Variants in TTN observed in about 807,000 individuals in gnomAD.
The protein encoded by TTN is connectin.
TTN carries 1,525 observed loss-of-function variants against 3,223.0 expected under a neutral mutation model. The observed-to-expected ratio is 0.47, with a 90% CI of 0.45 to 0.49. The LOEUF is 0.49. Ranked by LOEUF, TTN falls within the 20% of genes least tolerant of loss-of-function variation. The pLI, the probability that TTN is intolerant of heterozygous loss-of-function variation, is 0.00. For synonymous variants in TTN, 14,094 were observed against 15,161.0 expected, an observed-to-expected ratio of 0.93 and a Z score of 5.17; for missense variants, 40,786 against 43,424.0, an observed-to-expected ratio of 0.94 and a Z score of 5.40.
rs373269429 is a variant in TTN, at chr2:178,685,608, C to G, written c.32312-10G>C. ...TCAGGCTCTTCCATCACTTTAAAGA[C>G]AGCAGTTTTAAAGAAGATAAATTAC... On this transcript the variant is annotated splice_polypyrimidine_tract_variant and intron_variant, in intron 127 of 362. Coordinates refer to ENST00000589042, the MANE Select transcript of TTN (RefSeq NM_001267550.2). 1.2e-6 allele frequency: 2 copies of G among 1,611,092 alleles called. No individual in the cohort carries two copies. The highest frequency in any genetic ancestry group is 1.7e-6 in the Non-Finnish European group (2 of 1,178,174).
chr2:178,547,098 CCTT>C lies in TTN; in HGVS notation c.94424_94426del (p.Glu31475del), dbSNP rs1430587207. 1.9e-6 allele frequency: 3 copies of C among 1,613,716 alleles called. No homozygotes were observed. The highest frequency in any genetic ancestry group is 1.3e-5 in the African/African-American group (1 of 74,924). ...ATAAGTTCTGAACTGATATTCCAGTCCTTCTACTAAACCAGTTACTTTGTAGTT... is the reference window on the plus strand; with the variant it reads ...ATAAGTTCTGAACTGATATTCCAGTCCTACTAAACCAGTTACTTTGTAGTT... On this transcript the variant is annotated inframe_deletion, in exon 340 of 363. Transcript: ENST00000589042.
chr2:178,560,028 T>G lies in TTN; in HGVS notation c.86104A>C (p.Ile28702Leu), dbSNP rs747739314. The G allele has an allele frequency of 6.2e-6, 10 of 1,613,616 alleles. No individual in the cohort carries two copies. Among genetic ancestry groups the G allele is most frequent in the Non-Finnish European group, 8.5e-6 (10 of 1,179,808 alleles). ...KSDDTDWKTS[I>L]QSLRGTEYTI... Reference sequence around the variant, plus strand: ...TATTCTGTCCCTCGTAAGCTCTGAATGGAAGTTTTCCAGTCAGTGTCATCA... The same window carrying G: ...TATTCTGTCCCTCGTAAGCTCTGAAGGGAAGTTTTCCAGTCAGTGTCATCA... The change falls in exon 326 of 363, where the codon ATT (isoleucine) becomes CTT (leucine). Residue 28702 changes from isoleucine (I) to leucine (L), a missense_variant. Transcript: ENST00000589042.
intron 180 of TTN, among the ~76,000 whole-genome samples, chr2:178,660,715 G>A (rs202213864): frequency 0.12 from 17,711 of 142,728 alleles, 5 homozygotes; most frequent in African/African-American, 0.28. Flanking sequence ...GCACAGCAAA[G>A]GAAACTACCA....
chr2:178,764,777 C>A lies in TTN; in HGVS notation c.9738G>T (p.Gln3246His). The A allele has an allele frequency of 6.2e-7, 1 of 1,613,684 alleles. No homozygotes were observed. Among genetic ancestry groups the A allele is most frequent in the African/African-American group, 1.3e-5 (1 of 75,038 alleles). The change falls in exon 42 of 363, where the codon CAG (glutamine) becomes CAT (histidine). Residue 3246 changes from glutamine (Q) to histidine (H), a missense_variant. Coordinates refer to ENST00000589042, the MANE Select transcript of TTN (RefSeq NM_001267550.2). The part of the protein sequence containing the change: ...PEPPQVLQEL[Q>H]PVTVQSGKPA... The stretch of plus-strand genomic sequence containing the variant: ...GCTTGCCAGACTGCACAGTGACAGG[C>A]TGGAGCTCCTGCAGAACTTGGGGCG...
In TTN at chr2:178,777,140, C is replaced by T. The variant is rs768137657; in HGVS notation, c.4814+9G>A. On this transcript the variant is annotated intron_variant, in intron 27 of 362. Transcript: ENST00000589042. The stretch of plus-strand genomic sequence containing the variant: ...ATAATGAGCTTAGCTTTATTATTTC[C>T]ATACTTACCTGATTTTGGGATATTT... The T allele has an allele frequency of 6.2e-7, 1 of 1,614,006 alleles. No individual in the cohort carries two copies. Among genetic ancestry groups the T allele is most frequent in the African/African-American group, 1.3e-5 (1 of 75,028 alleles).
chr2:178,560,759 A>G lies in TTN; in HGVS notation c.85373T>C (p.Leu28458Pro), dbSNP rs776361284. ...CTCAGCAGTGAGGCCATTTATTTCA[A>G]GTGGTCCTGCTGGTGGACCAGGCTT... is the stretch of plus-strand genomic sequence containing the variant. Reference protein sequence around the residue: ...LDKPGPPAGPLEINGLTAEKC... With the variant: ...LDKPGPPAGPPEINGLTAEKC... Residue 28458 changes from leucine to proline, a missense_variant, in exon 326 of 363, where the codon CTT becomes CCT. By Grantham distance (98) the Leu-to-Pro change is moderately conservative. Coordinates refer to ENST00000589042, the MANE Select transcript of TTN (RefSeq NM_001267550.2). 3.1e-6 allele frequency: 5 copies of G among 1,613,626 alleles called. No homozygotes were observed. The highest frequency in any genetic ancestry group is 4.5e-5 in the East Asian group (2 of 44,802).
chr2:178,575,578 A>C lies in TTN; in HGVS notation c.70554T>G (p.Gly23518=). The C allele has an allele frequency of 6.2e-7, 1 of 1,613,624 alleles. No individual in the cohort carries two copies. Among genetic ancestry groups the C allele is most frequent in the Non-Finnish European group, 8.5e-7 (1 of 1,179,654 alleles). ...CGGGCTCTGTAGTTTCTGTTGGCTC[A>C]CCAATTCCATATTCATTCTCTGCCA... ...RVMAENEYGI[G]EPTETTEPVK... The change falls in exon 326 of 363, where the codon GGT becomes GGG. Residue 23518 remains glycine (G), a synonymous_variant. Coordinates refer to ENST00000589042, the MANE Select transcript of TTN (RefSeq NM_001267550.2). The surrounding 1 kb of genome is among the most constrained non-coding windows in gnomAD (Gnocchi z 4.0).
chr2:178,704,477 T>G (rs749218397), intron 105 of TTN, 33 bp downstream of exon 105: 4 of 1,597,302 alleles, frequency 2.5e-6, no homozygotes, highest in South Asian at 1.1e-5. Flanking sequence ...AATTTAAATC[T>G]CACAAGTATT....
At chr2:178,580,803 C>T (rs530491058) in intron 316 of TTN, 194 bp from the exon 317 acceptor site, 2 of 617,172 alleles carry the variant, frequency 3.2e-6, no homozygotes, top group African/African-American at 3.8e-5. Flanking sequence ...TTCCACTATG[C>T]TTTAGGCTTA....
chr2:178,719,575 T>C lies in TTN; in HGVS notation c.23917A>G (p.Thr7973Ala). Residue 7973 changes from threonine to alanine, a missense_variant, in exon 82 of 363, where the codon ACT (threonine) becomes GCT (alanine). Transcript: ENST00000589042. ...TCACCAGAAACATGGACGGATACAG[T>C]GCAGTTACTTTTGCCAACACTGTTT... ...VKNSVGKSNC[T>A]VSVHVSDRIV... 6.2e-7 allele frequency: 1 copy of C among 1,610,850 alleles called. No homozygotes were observed. Among genetic ancestry groups the C allele is most frequent in the East Asian group, 2.2e-5 (1 of 44,832 alleles).
rs772717263 is a variant in TTN at position 178,587,288 on chromosome 2, G to T, written c.63923C>A (p.Ala21308Glu). 4 of 1,612,952 alleles carry T rather than the reference G, an allele frequency of 2.5e-6. No homozygotes were observed. The highest frequency in any genetic ancestry group is 3.4e-6 in the Non-Finnish European group (4 of 1,179,482). ...AACGGTCGACCATGTCTTTCTGTCT[G>T]CCTCACGTTTCTCCACGATATAATG... ...VTHYIVEKRE[A>E]DRKTWSTVTP... Residue 21308 changes from alanine (A) to glutamate (E), a missense_variant, in exon 307 of 363, where the codon GCA (alanine) becomes GAA (glutamate). Transcript: ENST00000589042.
In TTN at chr2:178,620,862, T is replaced by A. The variant is rs776190494; in HGVS notation, c.45748A>T (p.Ser15250Cys). The A allele has an allele frequency of 4.0e-5, 65 of 1,612,548 alleles. 1 individual carries two copies. The South Asian group carries it at 6.9e-4, about 17-fold the overall frequency. ...TTTTGGAGAATGATGTATTTTGAAC[T>A]ATCAAATATAGCTTCTTCATTTCTG... ...WFRNEEAIFD[S>C]SKYIILQKDL... The change falls in exon 247 of 363, where the codon AGT becomes TGT. Residue 15250 changes from serine to cysteine, a missense_variant. Physicochemically the swap from Ser to Cys is moderately radical, Grantham distance 112 (BLOSUM62 -1). Transcript: ENST00000589042.
At position 178,546,904 on chromosome 2, in the gene TTN, A is replaced by G. The variant is rs727505200; in HGVS notation, c.94524T>C (p.Asp31508=). ...SRPIMAQNPV[D]APGRPEVTDV... is the part of the protein sequence containing the mutation. ...CTGTCACCTCTGGTCTGCCTGGTGC[A>G]TCTGGAAGGGATGCAAAAATAAGGT... is the stretch of plus-strand genomic sequence containing the variant. The change falls in exon 341 of 363, where the codon GAT becomes GAC. Residue 31508 remains aspartate, a splice_region_variant and synonymous_variant. Coordinates refer to ENST00000589042, the MANE Select transcript of TTN (RefSeq NM_001267550.2). 5 of 1,579,394 alleles carry G rather than the reference A, an allele frequency of 3.2e-6. No homozygotes were observed. In the South Asian group the frequency reaches 4.7e-5, roughly 15 times the overall value.
intron 194 of TTN, 21 bp from the exon 195 acceptor site, chr2:178,653,918 T>C (rs2063580170): frequency 6.3e-7 from 1 of 1,583,062 alleles, no homozygotes. Flanking sequence ...ATTAGTAGTT[T>C]TATACTTAGG....
In TTN at chr2:178,543,930, C is replaced by G. The variant is rs1375176606; in HGVS notation, c.96214G>C (p.Val32072Leu). Residue 32072 changes from valine (V) to leucine (L), a missense_variant, in exon 346 of 363, where the codon GTG becomes CTG. Physicochemically the swap from Val to Leu is conservative, Grantham distance 32. Coordinates refer to ENST00000589042, the MANE Select transcript of TTN (RefSeq NM_001267550.2). Reference sequence around the variant, plus strand: ...GCATCGTACCGATTAACTTTGTCCACTATTAGCAATGAGTAGCTCTCAGTG... The same window carrying G: ...GCATCGTACCGATTAACTTTGTCCAGTATTAGCAATGAGTAGCTCTCAGTG... ...DTTESYSLLI[V>L]DKVNRYDAGK... The G allele has an allele frequency of 6.2e-7, 1 of 1,613,730 alleles. No individual in the cohort carries two copies. The highest frequency in any genetic ancestry group is 1.3e-5 in the African/African-American group (1 of 75,002).
At chr2:178,772,914 C>T (rs112870796) in intron 33 of TTN, 195 bp downstream of exon 33, 73 of 647,730 alleles carry the variant, frequency 1.1e-4, no homozygotes, top group Middle Eastern at 8.6e-4. Flanking sequence ...GAGAAGGTGA[C>T]GTTTGAGGTA....
In TTN at chr2:178,582,954, T is replaced by C; in HGVS notation, c.65849A>G (p.Lys21950Arg). ...TTATTAGTTACCTAACACTTTAAGC[T>C]TAATGGTGGCTGATTTAGAACCACT... ...NSSGSKSATI[K>R]LKVLDKPGPP... The change falls in exon 313 of 363, where the codon AAG (lysine) becomes AGG (arginine). Residue 21950 changes from lysine (K) to arginine (R), a missense_variant. By Grantham distance (26) the Lys-to-Arg change is conservative. Transcript: ENST00000589042. The C allele has an allele frequency of 6.5e-7, 1 of 1,536,442 alleles. No homozygotes were observed. Among genetic ancestry groups the C allele is most frequent in the South Asian group, 1.3e-5 (1 of 74,880 alleles).
intron 43 of TTN, among the ~76,000 whole-genome samples, chr2:178,762,508 A>G (rs1037777066): frequency 6.6e-6 from 1 of 152,236 alleles, no homozygotes; most frequent in Non-Finnish European, 1.5e-5. Context: ...TTAATATGTT[A>G]TAGACTTAAA....
At chr2:178,735,391 G>A in intron 50 of TTN, 120 bp downstream of exon 50, 1 of 1,020,026 alleles carries the variant, frequency 9.8e-7, no homozygotes, top group Non-Finnish European at 1.3e-6. Flanking sequence ...AAACCATAAT[G>A]TTTGCTGAAT....
Sources: gnomAD v4.1 joint callset for allele counts (sites outside exome capture counted in the v4.1 genomes callset) on GRCh38, gnomAD v4.1.1 for gene constraint, Gnocchi (gnomAD v3.1) non-coding constraint, MANE v1.5 for transcripts, NCBI Gene and HGNC (gene_info 2026-07-23, HGNC 2026-07-21) for gene names.